The following ITK variants were observed in gnomAD, a reference collection of about 807,000 sequenced individuals.
ITK encodes tyrosine-protein kinase ITK/TSK.
In ITK, 45 loss-of-function variants were observed where a neutral mutation model predicts 87.6. The observed-to-expected ratio is 0.51, with a 90% confidence interval of 0.40 to 0.66. ITK has a LOEUF of 0.66. ITK is among the 30% of genes least tolerant of loss of function. ITK has a pLI of 0.00. For missense variants in ITK, 605 were observed against 766.3 expected (o/e 0.79, Z 2.48); for synonymous variants, 303 against 273.6 (o/e 1.11, Z -1.06).
chr5:157,234,873 T>C (rs1318859283), intron 8 of ITK, among the ~76,000 whole-genome samples: 1 of 152,118 alleles, frequency 6.6e-6, no homozygotes, highest in Non-Finnish European at 1.5e-5. Flanking sequence ...CCATGGCACA[T>C]GTATACCCAT....
intron 12 of ITK, 66 bp from the exon 13 acceptor site, chr5:157,244,196 A>G: frequency 8.0e-7 from 1 of 1,255,910 alleles, no homozygotes; most frequent in Non-Finnish European, 1.2e-6. Context: ...TTTTGGTACC[A>G]TAATATTTTC....
chr5:157,247,948 T>G (rs1755055597), intron 15 of ITK, among the ~76,000 whole-genome samples: 1 of 152,182 alleles, frequency 6.6e-6, no homozygotes. Context: ...TCACTAAAAA[T>G]TATGGTGTCT....
chr5:157,188,819 T>C (rs985867145), intron 1 of ITK, among the ~76,000 whole-genome samples: 8 of 152,198 alleles, frequency 5.3e-5, no homozygotes, highest in South Asian at 2.1e-4. Context: ...AGCACATAGA[T>C]ACCTTAGTAT....
chr5:157,233,125 C>T (rs1754692987), intron 8 of ITK, among the ~76,000 whole-genome samples: 1 of 152,088 alleles, frequency 6.6e-6, no homozygotes, highest in Non-Finnish European at 1.5e-5. Flanking sequence ...GTTATGTCAC[C>T]AACTCATTGG....
rs577236737 is a variant in ITK, at chr5:157,206,346, T to G, written c.139-2543T>G. 6.6e-5 allele frequency among the ~76,000 whole-genome samples: 10 copies of G among 152,284 alleles called. No individual in the cohort carries two copies. The South Asian group carries it at 1.0e-3, about 16-fold the overall frequency. The stretch of plus-strand genomic sequence containing the variant: ...TGTTCATCAATATTGGCCTGAAGTT[T>G]TCTTTTTTGTTGTATCTCTGCCAGG... On this transcript the variant is annotated intron_variant, in intron 1 of 16. Transcript: ENST00000422843.
chr5:157,207,211 T>C (rs950230161), intron 1 of ITK, among the ~76,000 whole-genome samples: 2 of 151,934 alleles, frequency 1.3e-5, no homozygotes, highest in South Asian at 2.1e-4. Context: ...TAATTTGCCT[T>C]CAGTATTTGT....
At chr5:157,203,463 G>A (rs545736192) in intron 1 of ITK, among the ~76,000 whole-genome samples, 9 of 152,336 alleles carry the variant, frequency 5.9e-5, no homozygotes, top group Non-Finnish European at 1.2e-4. Flanking sequence ...TCAGGACCTA[G>A]TAGGTTCCAA....
Position 157,221,243 on chromosome 5 carries a change from G to A in ITK, c.496-1620G>A, listed in dbSNP as rs190107193. 2.4e-3 allele frequency among the ~76,000 whole-genome samples: 362 copies of A among 151,998 alleles called. 1 individual carries two copies. The highest frequency in any genetic ancestry group is 2.8e-3 in the Non-Finnish European group (187 of 67,994). On this transcript the variant is annotated intron_variant, in intron 5 of 16. Coordinates refer to ENST00000422843, the MANE Select transcript of ITK (RefSeq NM_005546.4). ...TCGAATGCAACTGATACAAAATGTG[G>A]TATTGGGACTCAACTACAGCATTAC...
intron 1 of ITK, among the ~76,000 whole-genome samples, chr5:157,188,675 T>C (rs527456610): frequency 6.6e-6 from 1 of 152,352 alleles, no homozygotes; most frequent in African/African-American, 2.4e-5. Context: ...CAGGCTAGAA[T>C]GCAGTGGCGG....
chr5:157,197,393 T>G (rs1043976784), intron 1 of ITK, among the ~76,000 whole-genome samples: 2 of 152,240 alleles, frequency 1.3e-5, no homozygotes, highest in Non-Finnish European at 2.9e-5. Flanking sequence ...GACACTATGA[T>G]GTTTTTGAAA....
At chr5:157,249,085 C>T in intron 16 of ITK, 78 bp downstream of exon 16, 1 of 1,267,642 alleles carries the variant, frequency 7.9e-7, no homozygotes. Context: ...GAAAGGAACC[C>T]TCTCAGAAGG....
intron 15 of ITK, 95 bp from the exon 16 acceptor site, chr5:157,248,755 T>C: frequency 7.3e-7 from 1 of 1,375,650 alleles, no homozygotes; most frequent in South Asian, 1.2e-5. Context: ...ACATGAATCC[T>C]AATGCAAGGA....
At chr5:157,184,761 A>T (rs911298187) in intron 1 of ITK, among the ~76,000 whole-genome samples, 3 of 152,254 alleles carry the variant, frequency 2.0e-5, no homozygotes, top group African/African-American at 7.2e-5. Flanking sequence ...ACCAATTGCT[A>T]CATGGTAAGG....
chr5:157,191,378 G>A lies in ITK; in HGVS notation c.138+10263G>A, dbSNP rs528843939. ...AGCTCAGATAGACAGTAGCAGCAAA[G>A]ACTGAAACCAAATTAGAATTGAGTT... is the stretch of plus-strand genomic sequence containing the variant. On this transcript the variant is annotated intron_variant, in intron 1 of 16. Coordinates refer to ENST00000422843, the MANE Select transcript of ITK (RefSeq NM_005546.4). Among the ~76,000 whole-genome samples the A allele has an allele frequency of 6.4e-4, 98 of 152,286 alleles. 1 individual carries two copies. In the South Asian group the frequency reaches 0.012, roughly 18 times the overall value.
intron 16 of ITK, 114 bp downstream of exon 16, chr5:157,249,121 A>T: frequency 1.1e-6 from 1 of 891,816 alleles, no homozygotes. Context: ...TAACTAATAT[A>T]GATTAGCAAC....
At chr5:157,210,015 T>G (rs775018703) in intron 2 of ITK, among the ~76,000 whole-genome samples, 3 of 151,094 alleles carry the variant, frequency 2.0e-5, no homozygotes, top group Non-Finnish European at 4.4e-5. Context: ...AACCTCCACC[T>G]CCCTGGTTCA....
chr5:157,210,938 T>C (rs910572638), intron 2 of ITK, among the ~76,000 whole-genome samples: 2 of 152,106 alleles, frequency 1.3e-5, no homozygotes, highest in Non-Finnish European at 2.9e-5. Context: ...ACATTTGTCA[T>C]ATAATATCTT....
chr5:157,240,320 AG>A, intron 10 of ITK, 125 bp downstream of exon 10: 1 of 905,410 alleles, frequency 1.1e-6, no homozygotes, highest in Admixed American at 1.9e-5. Context: ...TAAGAGTGCA[AG>A]CCCTATTGTG....
In ITK at chr5:157,254,510, T is replaced by C. The variant is rs923683239; in HGVS notation, c.*1832T>C. On this transcript the variant is annotated 3_prime_UTR_variant, in exon 17 of 17. Coordinates refer to ENST00000422843, the MANE Select transcript of ITK (RefSeq NM_005546.4). ...GGACATTCCCTGATATAAGAGAGGA[T>C]GGTGTTGCAATTGGCTCTTTCTAAA... The C allele has an allele frequency of 4.5e-5, 10 of 220,690 alleles. No homozygotes were observed. The highest frequency in any genetic ancestry group is 8.2e-5 in the Non-Finnish European group (9 of 110,198). 13.7% of individuals were successfully genotyped at this position (220,690 alleles called of 1,614,324 possible). A position where few individuals can be genotyped will look rare whatever the true frequency, so the allele number is the denominator to read the frequency against.
Sources: allele counts gnomAD v4.1 joint callset (sites outside exome capture counted in the v4.1 genomes callset), GRCh38; gene constraint gnomAD v4.1.1; transcripts MANE v1.5; gene names NCBI Gene and HGNC (gene_info 2026-07-23, HGNC 2026-07-21).